Variants in PFDN1 observed in about 807,000 individuals in gnomAD.
The protein encoded by PFDN1 is prefoldin 1.
Under a neutral mutation model 17.3 loss-of-function variants are expected in PFDN1, and 6 were observed. That is an observed-to-expected ratio of 0.35 (90% CI 0.19 to 0.69). The LOEUF (loss-of-function observed/expected upper bound fraction) is 0.69, where lower values mean the gene tolerates loss of function less well. PFDN1 is among the 30% of genes least tolerant of loss of function. PFDN1 has a pLI of 0.65. For synonymous variants in PFDN1, 58 were observed against 50.1 expected (o/e 1.16, Z -0.67); for missense variants, 113 against 146.2 (o/e 0.77, Z 1.17).
intron 3 of PFDN1, among the ~76,000 whole-genome samples, chr5:140,248,578 C>T (rs7730245): frequency 2.6e-5 from 4 of 151,938 alleles, no homozygotes; most frequent in African/African-American, 9.7e-5. Context: ...TACAAAAGTC[C>T]GCCAGGGCCC....
At chr5:140,248,833 CAT>C (rs1386355972) in intron 3 of PFDN1, among the ~76,000 whole-genome samples, 1 of 152,230 alleles carries the variant, frequency 6.6e-6, no homozygotes, top group Non-Finnish European at 1.5e-5. Context: ...TGCAAATTAA[CAT>C]ATCTATCTAT....
chr5:140,285,206 T>G (rs1765467331), intron 2 of PFDN1, among the ~76,000 whole-genome samples: 1 of 152,086 alleles, frequency 6.6e-6, no homozygotes, highest in Admixed American at 6.5e-5. Context: ...TTTCAGGGTA[T>G]TCACAAATTA....
intron 3 of PFDN1, among the ~76,000 whole-genome samples, chr5:140,256,656 G>GAAAAAAAAAAAAAAAA (rs1764989657): frequency 1.5e-4 from 1 of 6,560 alleles, no homozygotes. Context: ...AACAAAAAAT[G>GAAAAAAAAAAAAAAAA]ACAAAAAAAA....
At chr5:140,281,094 TCCA>T (rs1765390361) in intron 3 of PFDN1, 1 of 174,358 alleles carries the variant, frequency 5.7e-6, no homozygotes. Flanking sequence ...CTCCTGCCCA[TCCA>T]CCACAATCCA....
chr5:140,294,970 A>G (rs975764567), intron 2 of PFDN1, among the ~76,000 whole-genome samples: 10 of 152,060 alleles, frequency 6.6e-5, no homozygotes, highest in Non-Finnish European at 4.4e-5. Flanking sequence ...AAATTAGTTT[A>G]AATATGGTAC....
intron 3 of PFDN1, among the ~76,000 whole-genome samples, chr5:140,272,255 G>C (rs754102643): frequency 6.8e-6 from 1 of 147,536 alleles, no homozygotes; most frequent in Non-Finnish European, 1.5e-5. Flanking sequence ...CCTGACCTCA[G>C]GTGATCTGCC....
At chr5:140,253,177 A>G (rs1344194435) in intron 3 of PFDN1, among the ~76,000 whole-genome samples, 1 of 152,212 alleles carries the variant, frequency 6.6e-6, no homozygotes, top group African/African-American at 2.4e-5. Context: ...AAAGAAAGAC[A>G]GAAAAGACCC....
chr5:140,272,549 G>A (rs1288540470), intron 3 of PFDN1, among the ~76,000 whole-genome samples: 4 of 147,358 alleles, frequency 2.7e-5, no homozygotes, highest in Non-Finnish European at 6.0e-5. Flanking sequence ...TAGTAGAGAC[G>A]GGGTTTCACC....
At chr5:140,249,141 G>A (rs1014926305) in intron 3 of PFDN1, among the ~76,000 whole-genome samples, 18 of 152,162 alleles carry the variant, frequency 1.2e-4, no homozygotes, top group Non-Finnish European at 2.2e-4. Flanking sequence ...CCAGAACAAG[G>A]CACCTGTTGT....
chr5:140,286,510 GA>G (rs927698492), intron 2 of PFDN1, among the ~76,000 whole-genome samples: 9 of 145,908 alleles, frequency 6.2e-5, no homozygotes, highest in African/African-American at 2.3e-4. Context: ...TTTACACAAA[GA>G]TGAAATGGGA....
intron 3 of PFDN1, among the ~76,000 whole-genome samples, chr5:140,263,914 A>C (rs947415888): frequency 6.6e-6 from 1 of 150,428 alleles, no homozygotes; most frequent in Non-Finnish European, 1.5e-5. Context: ...CCAGCTACTC[A>C]GGAGGCTGAA....
intron 3 of PFDN1, among the ~76,000 whole-genome samples, chr5:140,275,777 G>T (rs886946830): frequency 6.6e-6 from 1 of 152,036 alleles, no homozygotes; most frequent in African/African-American, 2.4e-5. Flanking sequence ...GAAAAGGTTT[G>T]TCCCTCCTGC....
At chr5:140,296,650 A>G (rs1765658472) in intron 2 of PFDN1, among the ~76,000 whole-genome samples, 1 of 152,202 alleles carries the variant, frequency 6.6e-6, no homozygotes, top group Admixed American at 6.5e-5. Context: ...AAAGCACAAA[A>G]ACATAACATG....
At chr5:140,261,576 A>G (rs951396742) in intron 3 of PFDN1, among the ~76,000 whole-genome samples, 1 of 152,224 alleles carries the variant, frequency 6.6e-6, no homozygotes, top group South Asian at 2.1e-4. Flanking sequence ...GCACAGCTAC[A>G]TGACTCATAG....
At chr5:140,252,457 T>C (rs1437742823) in intron 3 of PFDN1, among the ~76,000 whole-genome samples, 1 of 152,176 alleles carries the variant, frequency 6.6e-6, no homozygotes, top group Non-Finnish European at 1.5e-5. Flanking sequence ...TACTTCTCTC[T>C]TGTGTAAAAT....
At chr5:140,292,136 C>A (rs538420306) in intron 2 of PFDN1, among the ~76,000 whole-genome samples, 8 of 152,278 alleles carry the variant, frequency 5.3e-5, no homozygotes, top group Admixed American at 3.9e-4. Flanking sequence ...TAAGTAAGCA[C>A]CTCTGATGTT....
intron 3 of PFDN1, among the ~76,000 whole-genome samples, chr5:140,267,955 G>C (rs545410286): frequency 6.6e-6 from 1 of 152,292 alleles, no homozygotes; most frequent in South Asian, 2.1e-4. Context: ...CAAAAGCAGA[G>C]TCAAACGAAC....
intron 3 of PFDN1, among the ~76,000 whole-genome samples, chr5:140,277,820 G>T (rs1216136695): frequency 6.6e-6 from 1 of 152,042 alleles, no homozygotes; most frequent in Non-Finnish European, 1.5e-5. Flanking sequence ...GTAAAAACAG[G>T]TAAAGAGAAA....
At chr5:140,262,312 G>A (rs977690931) in intron 3 of PFDN1, among the ~76,000 whole-genome samples, 4 of 152,144 alleles carry the variant, frequency 2.6e-5, no homozygotes, top group Admixed American at 2.0e-4. Flanking sequence ...ATTTCTTTCC[G>A]AGTAAAAGTG....
Sources: allele counts gnomAD v4.1 joint callset (sites outside exome capture counted in the v4.1 genomes callset), GRCh38; gene constraint gnomAD v4.1.1; transcripts MANE v1.5; gene names NCBI Gene and HGNC (gene_info 2026-07-23, HGNC 2026-07-21).